SOX6: variants seen among roughly 807,000 people sequenced by gnomAD.
SOX6 encodes SRY-box transcription factor 6, also known as transcription factor SOX-6.
In SOX6, 11 loss-of-function variants were observed where a neutral mutation model predicts 97.8. The observed-to-expected ratio is 0.11, with a 90% confidence interval of 0.07 to 0.19. The LOEUF is 0.19. Among genes scored for constraint, SOX6 ranks in the 10% least tolerant of loss-of-function variants. The pLI is 1.00. For missense variants in SOX6, 810 were observed against 1,039.5 expected, an observed-to-expected ratio of 0.78 and a Z score of 3.04; for synonymous variants, 360 against 371.4, an observed-to-expected ratio of 0.97 and a Z score of 0.35.
chr11:16,292,520 C>T (rs1854946682), intron 3 of SOX6, among the ~76,000 whole-genome samples: 1 of 152,092 alleles, frequency 6.6e-6, no homozygotes, highest in African/African-American at 2.4e-5. Context: ...AAAAAGAAAG[C>T]AGTGGTCAAC....
chr11:16,367,172 A>C (rs1565115768), intron 1 of SOX6, among the ~76,000 whole-genome samples: 1 of 152,130 alleles, frequency 6.6e-6, no homozygotes, highest in African/African-American at 2.4e-5. Context: ...GCTTCTATGT[A>C]TGTTCTAATT....
Position 16,017,891 on chromosome 11 carries a change from A to G in SOX6, c.1624-2841T>C, listed in dbSNP as rs573819724. Among the ~76,000 whole-genome samples the G allele has an allele frequency of 2.0e-4, 30 of 152,224 alleles. No homozygotes were observed. The East Asian group carries it at 5.2e-3, about 27-fold the overall frequency. On this transcript the variant is annotated intron_variant, in intron 12 of 15. Coordinates refer to ENST00000683767, the MANE Select transcript of SOX6 (RefSeq NM_001367873.1). Reference sequence around the variant, plus strand: ...GATATAAGCAAAATACCTCAATGCTAATTTAATCCCACCCCTTCCAGGAAA... The same window carrying G: ...GATATAAGCAAAATACCTCAATGCTGATTTAATCCCACCCCTTCCAGGAAA...
At chr11:16,454,435 T>C (rs1213933019) in intron 1 of SOX6, among the ~76,000 whole-genome samples, 1 of 152,050 alleles carries the variant, frequency 6.6e-6, no homozygotes, top group Non-Finnish European at 1.5e-5. Context: ...ATTCATAAAA[T>C]ATTCAAGCCA....
At chr11:16,059,981 C>T (rs1245313646) in intron 9 of SOX6, among the ~76,000 whole-genome samples, 2 of 151,806 alleles carry the variant, frequency 1.3e-5, no homozygotes, top group Admixed American at 1.3e-4. Context: ...CCAATATATC[C>T]TACTATGAGT....
chr11:16,051,364 T>C (rs752060547), intron 10 of SOX6, among the ~76,000 whole-genome samples: 2 of 152,146 alleles, frequency 1.3e-5, no homozygotes, highest in Non-Finnish European at 2.9e-5. Flanking sequence ...TTCTAATTTA[T>C]TGGACTCCAA....
intron 3 of SOX6, among the ~76,000 whole-genome samples, chr11:16,248,179 C>A (rs1853397666): frequency 6.6e-6 from 1 of 152,212 alleles, no homozygotes; most frequent in African/African-American, 2.4e-5. Context: ...TTGGACAACT[C>A]TGCCTCTGTG....
chr11:15,997,477 A>G (rs1354201209), intron 13 of SOX6, among the ~76,000 whole-genome samples: 1 of 152,232 alleles, frequency 6.6e-6, no homozygotes, highest in Admixed American at 6.5e-5. Context: ...TAGATAATAC[A>G]TCATGACCAA....
intron 4 of SOX6, among the ~76,000 whole-genome samples, chr11:16,490,487 A>G (rs1290963278): frequency 2.0e-5 from 3 of 152,060 alleles, no homozygotes; most frequent in Non-Finnish European, 2.9e-5. Context: ...CTATGTTCAC[A>G]TAAGTTTAGA....
At chr11:16,048,869 G>A (rs1308310800) in intron 11 of SOX6, among the ~76,000 whole-genome samples, 1 of 151,990 alleles carries the variant, frequency 6.6e-6, no homozygotes. Context: ...CAAACAAAGA[G>A]TATAGTAACA....
chr11:16,548,300 A>G (rs1030257101), intron 4 of SOX6, among the ~76,000 whole-genome samples: 1 of 152,224 alleles, frequency 6.6e-6, no homozygotes, highest in Non-Finnish European at 1.5e-5. Flanking sequence ...AAAAAAATAC[A>G]GAATGGCAAT....
At chr11:16,191,966 C>T (rs1460126718) in intron 4 of SOX6, among the ~76,000 whole-genome samples, 4 of 151,788 alleles carry the variant, frequency 2.6e-5, no homozygotes, top group African/African-American at 9.7e-5. Context: ...CTCCCCAGGG[C>T]CTGCTCCAGC....
intron 1 of SOX6, among the ~76,000 whole-genome samples, chr11:16,443,638 A>T (rs1341979014): frequency 6.6e-6 from 1 of 152,134 alleles, no homozygotes; most frequent in African/African-American, 2.4e-5. Context: ...TAAATTGCAT[A>T]TTGCTGGGGT....
At chr11:16,262,244 C>A (rs1178159168) in intron 3 of SOX6, among the ~76,000 whole-genome samples, 2 of 152,018 alleles carry the variant, frequency 1.3e-5, no homozygotes, top group Non-Finnish European at 2.9e-5. Flanking sequence ...GCAAGTCAAG[C>A]ACATCAACAA....
intron 3 of SOX6, among the ~76,000 whole-genome samples, chr11:16,622,358 G>T (rs905517453): frequency 2.0e-5 from 3 of 152,106 alleles, no homozygotes; most frequent in Admixed American, 2.0e-4. Flanking sequence ...TGAGATTTGG[G>T]TACACCCACC....
chr11:16,173,889 A>G (rs1388818461), intron 6 of SOX6, among the ~76,000 whole-genome samples: 1 of 151,420 alleles, frequency 6.6e-6, no homozygotes, highest in Non-Finnish European at 1.5e-5. Flanking sequence ...CTTTCTCCAT[A>G]GCCCAGGATG....
intron 4 of SOX6, among the ~76,000 whole-genome samples, chr11:16,196,701 G>C (rs1036375606): frequency 6.6e-6 from 1 of 151,736 alleles, no homozygotes; most frequent in Non-Finnish European, 1.5e-5. Context: ...AAGTTCACTG[G>C]TGCTCAGACT....
At chr11:16,380,607 T>G (rs956798856) in intron 1 of SOX6, among the ~76,000 whole-genome samples, 2 of 152,110 alleles carry the variant, frequency 1.3e-5, no homozygotes, top group African/African-American at 4.8e-5. Context: ...CAAATAAGTA[T>G]GATAGTTTTT....
chr11:16,334,805 A>G (rs995188705), intron 2 of SOX6, among the ~76,000 whole-genome samples: 13 of 152,172 alleles, frequency 8.5e-5, no homozygotes, highest in Non-Finnish European at 1.6e-4. Flanking sequence ...TATCCTTAGA[A>G]AGGCATATTA....
intron 1 of SOX6, among the ~76,000 whole-genome samples, chr11:16,454,815 A>C (rs546300152): frequency 1.3e-5 from 2 of 152,224 alleles, no homozygotes; most frequent in African/African-American, 4.8e-5. Flanking sequence ...AGACACACCT[A>C]CAAATTATTT....
Sources: allele counts gnomAD v4.1 joint callset (sites outside exome capture counted in the v4.1 genomes callset), GRCh38; gene constraint gnomAD v4.1.1; transcripts MANE v1.5; gene names NCBI Gene and HGNC (gene_info 2026-07-23, HGNC 2026-07-21).